ABCC1: variants seen among roughly 807,000 people sequenced by gnomAD.
ABCC1 encodes multidrug resistance-associated protein 1.
Under a neutral mutation model 172.9 loss-of-function variants are expected in ABCC1, and 83 were observed. That is an observed-to-expected ratio of 0.48 (90% confidence interval 0.40 to 0.58). The LOEUF (loss-of-function observed/expected upper bound fraction) is 0.58, where lower values mean the gene tolerates loss of function less well. Ranked by LOEUF, ABCC1 falls within the 20% of genes least tolerant of loss-of-function variation. The pLI is 0.00. For missense variants in ABCC1, 1,817 were observed against 2,002.7 expected (o/e 0.91, Z 1.77); for synonymous variants, 937 against 825.2 (o/e 1.14, Z -2.32).
At chr16:16,125,577 C>T (rs1030957081) in intron 25 of ABCC1, among the ~76,000 whole-genome samples, 5 of 151,876 alleles carry the variant, frequency 3.3e-5, no homozygotes, top group South Asian at 2.1e-4. Flanking sequence ...TACAGGTGTG[C>T]GTCACCATGC....
chr16:15,979,496 C>T (rs758233169), intron 1 of ABCC1, among the ~76,000 whole-genome samples: 24 of 131,206 alleles, frequency 1.8e-4, no homozygotes, highest in Middle Eastern at 3.7e-3. Flanking sequence ...CTTATTCTCT[C>T]TCTCTCTCTC....
At chr16:16,131,578 AG>A (rs45456399) in intron 26 of ABCC1, among the ~76,000 whole-genome samples, 3,435 of 152,226 alleles carry the variant, frequency 0.023, 65 homozygotes, top group Middle Eastern at 0.044. Context: ...AGAGGGACAC[AG>A]GGCTGAGAGG....
intron 1 of ABCC1, among the ~76,000 whole-genome samples, chr16:15,979,095 A>G (rs1430414567): frequency 6.6e-6 from 1 of 152,120 alleles, no homozygotes; most frequent in Non-Finnish European, 1.5e-5. Context: ...CATCGAGACC[A>G]TCCTGGTGAA....
intron 1 of ABCC1, among the ~76,000 whole-genome samples, chr16:15,969,101 G>T (rs962034002): frequency 6.6e-6 from 1 of 152,100 alleles, no homozygotes; most frequent in African/African-American, 2.4e-5. Flanking sequence ...CTACTGGGAA[G>T]GGGGAGGCAT....
chr16:16,069,489 C>T (rs2050249771), intron 13 of ABCC1, among the ~76,000 whole-genome samples: 1 of 152,162 alleles, frequency 6.6e-6, no homozygotes, highest in African/African-American at 2.4e-5. Context: ...CACTTGGGCA[C>T]TACTGGAAGC....
At chr16:16,116,723 C>G (rs1213960392) in intron 23 of ABCC1, among the ~76,000 whole-genome samples, 1 of 152,010 alleles carries the variant, frequency 6.6e-6, no homozygotes, top group Non-Finnish European at 1.5e-5. Flanking sequence ...CCACACCCAG[C>G]TAGTTTTTGT....
intron 26 of ABCC1, among the ~76,000 whole-genome samples, chr16:16,126,195 C>G (rs1027810547): frequency 2.6e-5 from 4 of 152,190 alleles, no homozygotes; most frequent in African/African-American, 4.8e-5. Context: ...AAGTTTCCCC[C>G]TCTATTTCTC....
At chr16:16,126,286 T>G (rs1011267955) in intron 26 of ABCC1, among the ~76,000 whole-genome samples, 2 of 152,148 alleles carry the variant, frequency 1.3e-5, no homozygotes, top group South Asian at 4.1e-4. Context: ...ATTGAGATGA[T>G]CTCCCTTCAA....
At chr16:16,136,977 C>T (rs2045938130) in intron 29 of ABCC1, among the ~76,000 whole-genome samples, 1 of 152,190 alleles carries the variant, frequency 6.6e-6, no homozygotes, top group Non-Finnish European at 1.5e-5. Flanking sequence ...CCCAGGTCCC[C>T]ATGCACTACC....
At chr16:16,001,302 C>G (rs4780584) in intron 1 of ABCC1, among the ~76,000 whole-genome samples, 1 of 151,814 alleles carries the variant, frequency 6.6e-6, no homozygotes, top group South Asian at 2.1e-4. Flanking sequence ...AGCTCTGCCT[C>G]CCGGGTGCAC....
chr16:16,117,944 T>C (rs2044968722), intron 23 of ABCC1, among the ~76,000 whole-genome samples: 1 of 152,134 alleles, frequency 6.6e-6, no homozygotes, highest in African/African-American at 2.4e-5. Context: ...AAGGAGAAAT[T>C]GTGTAGGCAG....
intron 20 of ABCC1, among the ~76,000 whole-genome samples, chr16:16,103,440 C>G (rs1178168200): frequency 6.6e-6 from 1 of 152,084 alleles, no homozygotes; most frequent in Non-Finnish European, 1.5e-5. Flanking sequence ...ATTAGCCAGG[C>G]ATGGTGGCAG....
At chr16:16,061,176 C>T (rs546004346) in intron 12 of ABCC1, among the ~76,000 whole-genome samples, 8 of 152,280 alleles carry the variant, frequency 5.3e-5, no homozygotes, top group East Asian at 1.9e-4. Flanking sequence ...CCACCCACCT[C>T]GGCCTCCTAA....
Position 15,949,652 on chromosome 16 carries a change from C to G in ABCC1, c.-100C>G. The G allele has an allele frequency of 1.9e-6, 1 of 517,238 alleles. No homozygotes were observed. Among genetic ancestry groups the G allele is most frequent in the Non-Finnish European group, 2.3e-6 (1 of 427,050 alleles). The allele number at this position is 517,238 out of a possible 1,614,324, so 32.0% of individuals were successfully genotyped here. On this transcript the variant is annotated 5_prime_UTR_variant, in exon 1 of 31. Transcript: ENST00000399410. ...CGCCGCCAGCGCTAGCGCCAGCAGC[C>G]GGGCCCGATCACCCGCCGCCCGGTG...
intron 1 of ABCC1, among the ~76,000 whole-genome samples, chr16:15,984,176 G>A (rs892721731): frequency 2.6e-4 from 40 of 152,170 alleles, no homozygotes; most frequent in Admixed American, 1.3e-4. Context: ...CACCCCTTCC[G>A]TGGTAGGGTG....
At chr16:16,076,207 C>T (rs1654898062) in intron 14 of ABCC1, 119 bp from the exon 15 acceptor site, 1 of 953,504 alleles carries the variant, frequency 1.0e-6, no homozygotes, top group East Asian at 2.8e-5. Context: ...GATAATAATG[C>T]CTAGCGCCAT....
At chr16:16,103,423 T>C (rs1567406844) in intron 20 of ABCC1, among the ~76,000 whole-genome samples, 1 of 151,790 alleles carries the variant, frequency 6.6e-6, no homozygotes, top group South Asian at 2.1e-4. Flanking sequence ...CTACTAAAGA[T>C]ACAAAAATTA....
intron 30 of ABCC1, among the ~76,000 whole-genome samples, chr16:16,139,611 CAAAAAAAAAAA>C (rs386384360): frequency 3.5e-5 from 2 of 57,348 alleles, no homozygotes; most frequent in Non-Finnish European, 5.8e-5. Context: ...GACTCCATCT[CAAAAAAAAAAA>C]AAAAAAAAAA....
At chr16:16,029,769 A>T (rs894775173) in intron 5 of ABCC1, among the ~76,000 whole-genome samples, 6 of 152,302 alleles carry the variant, frequency 3.9e-5, no homozygotes, top group African/African-American at 1.4e-4. Flanking sequence ...TAATTCCAGC[A>T]CTTTGGGAAG....
Sources: allele counts gnomAD v4.1 joint callset (sites outside exome capture counted in the v4.1 genomes callset), GRCh38; gene constraint gnomAD v4.1.1; transcripts MANE v1.5; gene names NCBI Gene and HGNC (gene_info 2026-07-23, HGNC 2026-07-21).